The following RARB variants were observed in gnomAD, a reference collection of about 807,000 sequenced individuals.
RARB encodes HBV-activated protein.
Under a neutral mutation model 51.9 loss-of-function variants are expected in RARB, and 17 were observed. The ratio of observed to expected loss-of-function variants is 0.33; its 90% CI spans 0.22 to 0.49. The LOEUF (loss-of-function observed/expected upper bound fraction) is 0.49. Among genes scored for constraint, RARB ranks in the 20% least tolerant of loss-of-function variants. The pLI is 0.99. For synonymous variants in RARB, 215 were observed against 195.4 expected, an observed-to-expected ratio of 1.10 and a Z score of -0.84; for missense variants, 369 against 550.8, an observed-to-expected ratio of 0.67 and a Z score of 3.30.
In RARB at chr3:25,150,614, T is replaced by C. The variant is rs544829825; in HGVS notation, c.-280+18406T>C. Among the ~76,000 whole-genome samples the C allele has an allele frequency of 3.8e-4, 58 of 152,336 alleles. No homozygotes were observed. The South Asian group carries it at 0.01, about 27-fold the overall frequency. On this transcript the variant is annotated intron_variant, in intron 4 of 11. Coordinates refer to the RARB transcript ENST00000383772. ...TAAGAAATCCAGCCTACTTTTCTTA[T>C]GTATACATAGAGTACAATCATTTGA... is the stretch of plus-strand genomic sequence containing the variant.
At chr3:25,034,467 G>C (rs1022854622) in intron 2 of RARB, among the ~76,000 whole-genome samples, 2 of 152,228 alleles carry the variant, frequency 1.3e-5, no homozygotes, top group South Asian at 2.1e-4. Flanking sequence ...CGAGTGGATA[G>C]ATGGAAAAGT....
Position 25,579,169 on chromosome 3 carries a change from A to C in RARB, c.610-1377A>C, listed in dbSNP as rs180974873. ...GAATTAAAATTTAGATAAGGTTTAC[A>C]CCATGCAATTGGTTGTCAGTTTTCT... On this transcript the variant is annotated intron_variant, in intron 4 of 7. Coordinates refer to ENST00000330688, the MANE Select transcript of RARB (RefSeq NM_000965.5). Among the ~76,000 whole-genome samples, 434 of 152,354 alleles carry C rather than the reference A, an allele frequency of 2.8e-3. 2 individuals carry two copies. The highest frequency in any genetic ancestry group is 9.3e-3 in the African/African-American group (388 of 41,584).
intron 1 of RARB, among the ~76,000 whole-genome samples, chr3:24,840,377 T>C (rs2125330045): frequency 6.6e-6 from 1 of 152,308 alleles, no homozygotes; most frequent in Non-Finnish European, 1.5e-5. Flanking sequence ...TGATCCTCCA[T>C]TGCTTCTCTG....
chr3:25,496,743 A>G (rs1411772426), intron 2 of RARB, among the ~76,000 whole-genome samples: 3 of 152,244 alleles, frequency 2.0e-5, no homozygotes, highest in African/African-American at 7.2e-5. Context: ...TAGATCAGTC[A>G]GAGAAGGCTT....
chr3:25,526,799 C>T (rs1007929713), intron 3 of RARB, among the ~76,000 whole-genome samples: 3 of 152,102 alleles, frequency 2.0e-5, no homozygotes, highest in African/African-American at 4.8e-5. Flanking sequence ...TGGTACTTAG[C>T]GGTGTTCCCC....
intron 2 of RARB, among the ~76,000 whole-genome samples, chr3:24,986,671 G>C (rs1344285205): frequency 1.3e-5 from 2 of 152,120 alleles, no homozygotes; most frequent in Non-Finnish European, 2.9e-5. Context: ...AAAACAATTT[G>C]TAGTTAATTT....
chr3:25,332,252 T>A (rs1485112961), intron 5 of RARB, among the ~76,000 whole-genome samples: 1 of 152,164 alleles, frequency 6.6e-6, no homozygotes, highest in Non-Finnish European at 1.5e-5. Context: ...ATATCCCTGA[T>A]GAACATCGAT....
intron 2 of RARB, among the ~76,000 whole-genome samples, chr3:25,033,730 A>T (rs2125291290): frequency 6.6e-6 from 1 of 152,272 alleles, no homozygotes; most frequent in Middle Eastern, 3.4e-3. Flanking sequence ...TGCTCTGTTG[A>T]CTAACTACAG....
At position 25,295,470 on chromosome 3, in the gene RARB, C is replaced by T. The variant is rs12491485; in HGVS notation, c.178+120895C>T. 5.5e-4 allele frequency among the ~76,000 whole-genome samples: 84 copies of T among 152,266 alleles called. No homozygotes were observed. In the Middle Eastern group the frequency reaches 0.014, roughly 25 times the overall value. ...TTGATCTTGGACTTCCCAGGCTCCA[C>T]GACTGTGAGCAATAATTTTCCATTG... On this transcript the variant is annotated intron_variant, in intron 5 of 11. Coordinates refer to the RARB transcript ENST00000383772.
chr3:25,306,218 C>T (rs181000808), intron 5 of RARB, among the ~76,000 whole-genome samples: 3 of 152,182 alleles, frequency 2.0e-5, no homozygotes, highest in Non-Finnish European at 2.9e-5. Context: ...AGGCCAGCTG[C>T]CCCCCAGGAA....
chr3:25,034,817 C>T (rs974769371), intron 2 of RARB, among the ~76,000 whole-genome samples: 1 of 152,204 alleles, frequency 6.6e-6, no homozygotes, highest in African/African-American at 2.4e-5. Flanking sequence ...TAAGTATCCA[C>T]ACTTCCAGTG....
chr3:25,280,094 G>A (rs1430155332), intron 5 of RARB, among the ~76,000 whole-genome samples: 1 of 152,162 alleles, frequency 6.6e-6, no homozygotes, highest in African/African-American at 2.4e-5. Context: ...GCCTTCATAA[G>A]GAAATGAAGA....
intron 5 of RARB, chr3:25,260,062 G>T: frequency 1.1e-6 from 1 of 897,776 alleles, no homozygotes; most frequent in African/African-American, 1.8e-5. Context: ...GTGTGTGGCT[G>T]GTTTTCTTGG....
intron 4 of RARB, among the ~76,000 whole-genome samples, chr3:25,135,912 C>T (rs1434730446): frequency 6.7e-6 from 1 of 148,624 alleles, no homozygotes; most frequent in African/African-American, 2.5e-5. Context: ...TCAAGAAAAG[C>T]TTATCTTTGT....
chr3:24,884,878 G>C (rs1703239236), intron 2 of RARB, among the ~76,000 whole-genome samples: 1 of 152,102 alleles, frequency 6.6e-6, no homozygotes, highest in African/African-American at 2.4e-5. Flanking sequence ...TGATGTGACT[G>C]TCAAATGTAA....
chr3:25,559,960 T>C (rs1306387127), intron 3 of RARB, among the ~76,000 whole-genome samples: 1 of 151,770 alleles, frequency 6.6e-6, no homozygotes, highest in East Asian at 1.9e-4. Flanking sequence ...GATAGACAGA[T>C]GGATGGATGG....
intron 1 of RARB, among the ~76,000 whole-genome samples, chr3:25,443,478 A>G (rs544796661): frequency 1.3e-5 from 2 of 151,982 alleles, no homozygotes; most frequent in South Asian, 4.2e-4. Context: ...AAATAAAGCT[A>G]AAGCGCGCCG....
intron 3 of RARB, among the ~76,000 whole-genome samples, chr3:25,113,234 T>C (rs1702062295): frequency 6.6e-6 from 1 of 152,200 alleles, no homozygotes; most frequent in Non-Finnish European, 1.5e-5. Flanking sequence ...TAGCTCCTTT[T>C]CTGCATTTTC....
At chr3:25,581,157 A>C (rs1156312324) in intron 5 of RARB, among the ~76,000 whole-genome samples, 2 of 152,180 alleles carry the variant, frequency 1.3e-5, no homozygotes, top group Admixed American at 1.3e-4. Flanking sequence ...ACCACCACAC[A>C]CGGGGACCTC....
Sources: allele counts gnomAD v4.1 joint callset (sites outside exome capture counted in the v4.1 genomes callset), GRCh38; gene constraint gnomAD v4.1.1; transcripts MANE v1.5; gene names NCBI Gene and HGNC (gene_info 2026-07-23, HGNC 2026-07-21).